The following RAB1B variants were observed in gnomAD, a reference collection of about 807,000 sequenced individuals.
The protein encoded by RAB1B is ras-related protein Rab-1B.
RAB1B carries 10 observed loss-of-function variants against 24.8 expected under a neutral mutation model. The observed-to-expected ratio is 0.40, with a 90% CI of 0.25 to 0.68. The LOEUF is 0.68. Among genes scored for constraint, RAB1B ranks in the 30% least tolerant of loss-of-function variants. The probability of loss-of-function intolerance (pLI) is 0.37; values close to 1 mark genes in which losing one functional copy is unlikely to be tolerated. For synonymous variants in RAB1B, 99 were observed against 111.7 expected (o/e 0.89, Z 0.72); for missense variants, 154 against 271.2 (o/e 0.57, Z 3.04).
At position 66,276,202 on chromosome 11, in the gene RAB1B, C is replaced by T. The variant is rs1472802808; in HGVS notation, c.570C>T (p.Ser190=). The change falls in exon 6 of 6, where the codon AGC becomes AGT. Residue 190 remains serine (S), a synonymous_variant. Transcript: ENST00000311481. ...AGCGGCCCAATCTCAAGATCGACAG[C>T]ACCCCTGTAAAGCCGGCTGGCGGTG... ...GGERPNLKID[S]TPVKPAGGGC... 2 of 1,603,994 alleles carry T rather than the reference C, an allele frequency of 1.2e-6. No individual in the cohort carries two copies. Among genetic ancestry groups the T allele is most frequent in the South Asian group, 1.1e-5 (1 of 89,398 alleles).
intron 4 of RAB1B, among the ~76,000 whole-genome samples, chr11:66,275,034 A>G (rs1857119645): frequency 6.6e-6 from 1 of 151,646 alleles, no homozygotes; most frequent in Non-Finnish European, 1.5e-5. Context: ...CTATTCATCT[A>G]CTGTCCCGTG....
At chr11:66,271,774 G>A (rs771497894) in intron 1 of RAB1B, 23 bp from the exon 2 acceptor site, 188 of 1,601,216 alleles carry the variant, frequency 1.2e-4, no homozygotes, top group East Asian at 6.2e-4. Context: ...CTCCCTTCAC[G>A]CCTTCCCATC....
rs1425247447 is a variant in RAB1B at position 66,276,147 on chromosome 11, G to A, written c.515G>A (p.Arg172Gln). 6 of 1,613,398 alleles carry A rather than the reference G, an allele frequency of 3.7e-6. No homozygotes were observed. Among genetic ancestry groups the A allele is most frequent in the East Asian group, 4.5e-5 (2 of 44,866 alleles). Reference protein sequence around the residue: ...FMTMAAEIKKRMGPGAASGGE... With the variant: ...FMTMAAEIKKQMGPGAASGGE... ...ACCATGGCTGCTGAAATCAAAAAGC[G>A]GATGGGGCCTGGAGCAGCCTCTGGG... Residue 172 changes from arginine (R) to glutamine (Q), a missense_variant, in exon 6 of 6, where the codon CGG (arginine) becomes CAG (glutamine). By Grantham distance (43) the Arg-to-Gln change is conservative. This residue lies in a region of RAB1B where 77 missense variants were observed against 97.8 expected (regional missense o/e 0.79). Transcript: ENST00000311481.
intron 1 of RAB1B, chr11:66,270,253 TGTTGTTGTTGTTG>T (rs1402674343): frequency 1.3e-5 from 2 of 151,406 alleles, no homozygotes; most frequent in African/African-American, 4.9e-5. Flanking sequence ...TTGTTGTTGT[TGTTGTTGTTGTTG>T]TTGTTGTTGT....
intron 1 of RAB1B, among the ~76,000 whole-genome samples, chr11:66,268,911 C>G (rs571025829): frequency 8.0e-5 from 12 of 150,326 alleles, no homozygotes; most frequent in African/African-American, 2.9e-4. Flanking sequence ...GGGGCCCAGA[C>G]GTGGCGACCC....
At chr11:66,271,488 CAA>C (rs71270565) in intron 1 of RAB1B, 4,940 of 48,006 alleles carry the variant, frequency 0.1, 54 homozygotes, top group Non-Finnish European at 0.14. Flanking sequence ...AACTCAGTCT[CAA>C]AAAAAAAAAA....
intron 4 of RAB1B, among the ~76,000 whole-genome samples, chr11:66,275,252 G>T (rs1590886570): frequency 1.3e-5 from 2 of 152,214 alleles, no homozygotes; most frequent in East Asian, 3.9e-4. Flanking sequence ...GCAAGTGCTG[G>T]GAGAGTCTGA....
chr11:66,270,233 T>TTTG lies in RAB1B; in HGVS notation c.15-1520_15-1518dup, dbSNP rs58085258. The TTTG allele has an allele frequency of 2.1e-4, 31 of 149,818 alleles. 1 individual carries two copies. The highest frequency in any genetic ancestry group is 7.4e-4 in the African/African-American group (30 of 40,478). The allele number at this position is 149,818 out of a possible 1,614,324, so 9.3% of individuals were successfully genotyped here. The stretch of plus-strand genomic sequence containing the variant: ...CTTCCTGGTGACTTCATAACAGGTT[T>TTTG]TTGTTGTTGTTGTTGTTGTTGTTGT... On this transcript the variant is annotated intron_variant, in intron 1 of 5. Transcript: ENST00000311481.
chr11:66,274,172 A>T (rs1185163947), intron 4 of RAB1B, among the ~76,000 whole-genome samples: 1 of 152,132 alleles, frequency 6.6e-6, no homozygotes, highest in African/African-American at 2.4e-5. Flanking sequence ...AATCCTTGTC[A>T]GCCTGACCAG....
chr11:66,271,560 C>T (rs532843643), intron 1 of RAB1B: 25 of 336,614 alleles, frequency 7.4e-5, no homozygotes, highest in Admixed American at 1.3e-4. Context: ...GTCCCAGCTA[C>T]GCAGGAAGCT....
chr11:66,275,838 A>G lies in RAB1B; in HGVS notation c.314A>G (p.Glu105Gly). The G allele has an allele frequency of 6.3e-7, 1 of 1,593,134 alleles. No homozygotes were observed. The highest frequency in any genetic ancestry group is 8.5e-7 in the Non-Finnish European group (1 of 1,171,274). The change falls in exon 5 of 6, where the codon GAG becomes GGG. Residue 105 changes from glutamate (E) to glycine (G), a missense_variant. This residue lies in a region of RAB1B where 77 missense variants were observed against 173.4 expected (regional missense o/e 0.44). Transcript: ENST00000311481. ...GCCAACGTGAAGCAGTGGCTGCAGG[A>G]GATTGACCGCTATGCCAGCGAGAAC... ...SYANVKQWLQ[E>G]IDRYASENVN...
At chr11:66,268,754 C>CTTA in intron 1 of RAB1B, 61 bp downstream of exon 1, 1 of 1,499,218 alleles carries the variant, frequency 6.7e-7, no homozygotes, top group Non-Finnish European at 8.9e-7. Flanking sequence ...GGGCTGTACG[C>CTTA]TTACCGGGGT....
chr11:66,271,671 T>TA (rs970645167), intron 1 of RAB1B, 126 bp from the exon 2 acceptor site: 5,045 of 551,632 alleles, frequency 9.1e-3, no homozygotes, highest in East Asian at 0.011. Flanking sequence ...ACCTTATTGC[T>TA]AAAAAAAAAA....
chr11:66,271,488 CAAAAAAAAAAAAAAA>C lies in RAB1B; in HGVS notation c.15-297_15-283del, dbSNP rs71270565. 3.2e-3 allele frequency: 157 copies of C among 48,504 alleles called. 1 individual carries two copies. Among genetic ancestry groups the C allele is most frequent in the African/African-American group, 0.014 (144 of 10,412 alleles). The allele number at this position is 48,504 out of a possible 1,614,324, so 3.0% of individuals were successfully genotyped here. ...GGGCAACAAGAGCAAAACTCAGTCTCAAAAAAAAAAAAAAAAAAAAAAAAAATTAGCTAGAAGTGG... is the reference window on the plus strand; with the variant it reads ...GGGCAACAAGAGCAAAACTCAGTCTCAAAAAAAAAAATTAGCTAGAAGTGG... On this transcript the variant is annotated intron_variant, in intron 1 of 5. Transcript: ENST00000311481.
chr11:66,276,010 C>T, intron 5 of RAB1B, 34 bp from the exon 6 acceptor site: 1 of 1,606,378 alleles, frequency 6.2e-7, no homozygotes, highest in South Asian at 1.1e-5. Context: ...CCCTCCTCTT[C>T]TCTCCCCTCC....
At position 66,276,249 on chromosome 11, in the gene RAB1B, T is replaced by G. The variant is rs764573010; in HGVS notation, c.*11T>G. 6.3e-7 allele frequency: 1 copy of G among 1,577,402 alleles called. No individual in the cohort carries two copies. The highest frequency in any genetic ancestry group is 2.3e-5 in the East Asian group (1 of 44,148). On this transcript the variant is annotated 3_prime_UTR_variant, in exon 6 of 6. Coordinates refer to ENST00000311481, the MANE Select transcript of RAB1B (RefSeq NM_030981.3). ...GGTGGCTGTTGCTAGGAGGGGCACATGGAGTGGGACAGGAGGGGGCACCTT... is the reference window on the plus strand; with the variant it reads ...GGTGGCTGTTGCTAGGAGGGGCACAGGGAGTGGGACAGGAGGGGGCACCTT...
chr11:66,274,133 C>A (rs1857104280), intron 4 of RAB1B, among the ~76,000 whole-genome samples: 1 of 152,114 alleles, frequency 6.6e-6, no homozygotes, highest in Non-Finnish European at 1.5e-5. Flanking sequence ...CACCACCATG[C>A]CCCAGCTGCA....
rs1857148141 is a variant in RAB1B, at chr11:66,276,481, C to T, written c.*243C>T. The T allele has an allele frequency of 2.0e-6, 1 of 492,500 alleles. No individual in the cohort carries two copies. Among genetic ancestry groups the T allele is most frequent in the East Asian group, 3.5e-5 (1 of 28,270 alleles). 30.5% of individuals were successfully genotyped at this position (492,500 alleles called of 1,614,324 possible). A position where few individuals can be genotyped will look rare whatever the true frequency, so the allele number is the denominator to read the frequency against. On this transcript the variant is annotated 3_prime_UTR_variant, in exon 6 of 6. Coordinates refer to ENST00000311481, the MANE Select transcript of RAB1B (RefSeq NM_030981.3). The stretch of plus-strand genomic sequence containing the variant: ...AGGGCGGAGGCCTGCTGTGCTGTTG[C>T]CTCTAGGTGACTTTCCAAGATGCCC...
Position 66,272,382 on chromosome 11 carries a change from G to A in RAB1B, c.201G>A (p.Gln67=). ...IKLQIWDTAG[Q]ERFRTITSSY... is the part of the protein sequence containing the mutation. ...TCTCCTAGTGGGACACAGCGGGCCAGGAACGGTTCCGGACCATCACTTCCA... is the reference window on the plus strand; with the variant it reads ...TCTCCTAGTGGGACACAGCGGGCCAAGAACGGTTCCGGACCATCACTTCCA... The change falls in exon 4 of 6, where the codon CAG becomes CAA. Residue 67 remains glutamine (Q), a synonymous_variant. Transcript: ENST00000311481. 1.2e-6 allele frequency: 2 copies of A among 1,611,512 alleles called. No individual in the cohort carries two copies. Among genetic ancestry groups the A allele is most frequent in the Non-Finnish European group, 1.7e-6 (2 of 1,178,290 alleles).
Sources: allele counts gnomAD v4.1 joint callset (sites outside exome capture counted in the v4.1 genomes callset), GRCh38; gene constraint gnomAD v4.1.1; regional missense constraint gnomAD v4.1.1; transcripts MANE v1.5; gene names NCBI Gene and HGNC (gene_info 2026-07-23, HGNC 2026-07-21).